CNTN5: variants seen among roughly 807,000 people sequenced by gnomAD.
CNTN5 encodes the protein contactin 5.
CNTN5 carries 77 observed loss-of-function variants against 129.1 expected under a neutral mutation model. The observed-to-expected ratio is 0.60, with a 90% CI of 0.50 to 0.72. CNTN5 has a LOEUF of 0.72. Ranked by LOEUF, CNTN5 falls within the 30% of genes least tolerant of loss-of-function variation. The pLI is 0.00. For synonymous variants in CNTN5, 509 were observed against 465.6 expected (o/e 1.09, Z -1.20); for missense variants, 1,478 against 1,328.8 (o/e 1.11, Z -1.75).
chr11:99,326,863 T>C (rs1267239552), intron 2 of CNTN5, among the ~76,000 whole-genome samples: 2 of 152,194 alleles, frequency 1.3e-5, no homozygotes, highest in Non-Finnish European at 2.9e-5. Flanking sequence ...ATTAGACAGA[T>C]TGTAAGCCAA....
At chr11:100,120,003 T>C (rs1945960594) in intron 13 of CNTN5, among the ~76,000 whole-genome samples, 1 of 151,910 alleles carries the variant, frequency 6.6e-6, no homozygotes, top group Non-Finnish European at 1.5e-5. Context: ...CTATATGCAG[T>C]TTTGCATGTT....
chr11:99,895,939 G>C (rs1006652208), intron 6 of CNTN5, among the ~76,000 whole-genome samples: 2 of 152,268 alleles, frequency 1.3e-5, no homozygotes, highest in South Asian at 2.1e-4. Flanking sequence ...TCCATACTGC[G>C]TAAGTCCTTG....
chr11:99,023,730 T>C (rs1436037999), intron 1 of CNTN5, among the ~76,000 whole-genome samples: 1 of 152,226 alleles, frequency 6.6e-6, no homozygotes, highest in Admixed American at 6.5e-5. Flanking sequence ...TTCTTTCTCA[T>C]GTATCTTGAT....
At chr11:99,761,279 A>G (rs1944571546) in intron 3 of CNTN5, among the ~76,000 whole-genome samples, 1 of 151,830 alleles carries the variant, frequency 6.6e-6, no homozygotes, top group Admixed American at 6.6e-5. Flanking sequence ...TTCTTTTATT[A>G]TTATACTTTA....
intron 2 of CNTN5, among the ~76,000 whole-genome samples, chr11:99,408,426 G>A (rs1352664069): frequency 2.1e-5 from 1 of 47,654 alleles, no homozygotes; most frequent in Non-Finnish European, 3.6e-5. Context: ...AGGAAGGAAA[G>A]AAAAAGAAAG....
intron 9 of CNTN5, among the ~76,000 whole-genome samples, chr11:100,010,118 C>A (rs1940435877): frequency 6.6e-6 from 1 of 152,078 alleles, no homozygotes; most frequent in African/African-American, 2.4e-5. Context: ...AGCAAGGAAT[C>A]CCTTAGGACC....
intron 22 of CNTN5, among the ~76,000 whole-genome samples, 180 bp downstream of exon 22, chr11:100,340,829 C>A (rs924423417): frequency 2.0e-5 from 3 of 152,124 alleles, no homozygotes; most frequent in Admixed American, 1.3e-4. Flanking sequence ...TCAGAGTAGA[C>A]AAAGGTTATC....
chr11:100,323,457 CT>C (rs989396814), intron 21 of CNTN5, among the ~76,000 whole-genome samples: 5 of 152,208 alleles, frequency 3.3e-5, no homozygotes, highest in African/African-American at 9.6e-5. Context: ...CAGTTTCAGA[CT>C]TTCAAGAGTA....
intron 21 of CNTN5, among the ~76,000 whole-genome samples, chr11:100,324,297 T>C (rs1199879033): frequency 2.0e-5 from 3 of 152,144 alleles, no homozygotes; most frequent in African/African-American, 7.2e-5. Context: ...CATTGATTAG[T>C]GAATGGCTAT....
chr11:100,182,321 C>G (rs1424547758), intron 13 of CNTN5, among the ~76,000 whole-genome samples: 2 of 152,022 alleles, frequency 1.3e-5, no homozygotes, highest in Admixed American at 6.6e-5. Flanking sequence ...TGGTTAGTTT[C>G]TAGTGAAGGC....
chr11:99,301,638 A>G (rs1363230997), intron 1 of CNTN5, among the ~76,000 whole-genome samples: 1 of 151,892 alleles, frequency 6.6e-6, no homozygotes, highest in Non-Finnish European at 1.5e-5. Context: ...ATGAAAAAAT[A>G]GCTGGAGAAC....
intron 9 of CNTN5, among the ~76,000 whole-genome samples, chr11:100,022,148 G>A (rs939780112): frequency 6.6e-6 from 1 of 152,074 alleles, no homozygotes; most frequent in Admixed American, 6.5e-5. Context: ...ACAATACTTT[G>A]CATTCTTCCA....
At chr11:100,290,664 A>C (rs1202000395) in intron 18 of CNTN5, among the ~76,000 whole-genome samples, 1 of 147,506 alleles carries the variant, frequency 6.8e-6, no homozygotes. Context: ...CTAGAAGAAA[A>C]CCTAGGCATT....
chr11:99,738,721 G>A (rs1188873428), intron 3 of CNTN5, among the ~76,000 whole-genome samples: 1 of 150,706 alleles, frequency 6.6e-6, no homozygotes, highest in Non-Finnish European at 1.5e-5. Flanking sequence ...AGCTGAAGAG[G>A]TATTCAAATG....
chr11:100,265,671 A>T (rs12801448), intron 17 of CNTN5, among the ~76,000 whole-genome samples: 42,012 of 152,096 alleles, frequency 0.28, 6,054 homozygotes, highest in Non-Finnish European at 0.32. Flanking sequence ...CATTTTTGGC[A>T]AATGAAGTGA....
At chr11:100,136,782 CA>C (rs1163824058) in intron 13 of CNTN5, among the ~76,000 whole-genome samples, 1 of 77,834 alleles carries the variant, frequency 1.3e-5, no homozygotes, top group Non-Finnish European at 2.2e-5. Flanking sequence ...CTGGTTTCCA[CA>C]TTGTTAAAAA....
chr11:100,041,652 G>T (rs1942386347), intron 9 of CNTN5, among the ~76,000 whole-genome samples: 1 of 152,180 alleles, frequency 6.6e-6, no homozygotes, highest in African/African-American at 2.4e-5. Flanking sequence ...GCAGCCAATT[G>T]CCTATAGTTG....
intron 1 of CNTN5, among the ~76,000 whole-genome samples, chr11:99,088,623 G>T (rs1223468818): frequency 2.6e-5 from 4 of 152,122 alleles, no homozygotes; most frequent in African/African-American, 9.7e-5. Context: ...ATGAGAAAAG[G>T]TTGCCTCCCA....
At chr11:99,792,080 C>G (rs986300108) in intron 3 of CNTN5, among the ~76,000 whole-genome samples, 1 of 151,852 alleles carries the variant, frequency 6.6e-6, no homozygotes, top group Non-Finnish European at 1.5e-5. Context: ...TGTCAGGATG[C>G]GTTTTTTATT....
Sources: allele counts gnomAD v4.1 joint callset (sites outside exome capture counted in the v4.1 genomes callset), GRCh38; gene constraint gnomAD v4.1.1; transcripts MANE v1.5; gene names NCBI Gene and HGNC (gene_info 2026-07-23, HGNC 2026-07-21).